Variants in KANK4 observed in about 807,000 individuals in gnomAD.
The protein encoded by KANK4 is KN motif and ankyrin repeat domain-containing protein 4.
Under a neutral mutation model 80.8 loss-of-function variants are expected in KANK4, and 50 were observed. The ratio of observed to expected loss-of-function variants is 0.62; its 90% CI spans 0.49 to 0.78. The LOEUF (loss-of-function observed/expected upper bound fraction) is 0.78. Ranked by LOEUF, KANK4 falls within the 30% of genes least tolerant of loss-of-function variation. The pLI, the probability that KANK4 is intolerant of heterozygous loss-of-function variation, is 0.00. For missense variants in KANK4, 1,196 were observed against 1,240.1 expected (o/e 0.96, Z 0.53); for synonymous variants, 465 against 506.9 (o/e 0.92, Z 1.11).
chr1:62,309,572 A>T (rs1229801046), intron 1 of KANK4, among the ~76,000 whole-genome samples: 1 of 152,184 alleles, frequency 6.6e-6, no homozygotes, highest in African/African-American at 2.4e-5. Context: ...CATTACTTAA[A>T]TTTTTTTAAA....
rs1353974121 is a variant in KANK4 at position 62,247,553 on chromosome 1, C to T, written c.2802G>A (p.Met934Ile). 2 of 1,614,056 alleles carry T rather than the reference C, an allele frequency of 1.2e-6. No homozygotes were observed. The highest frequency in any genetic ancestry group is 3.3e-5 in the Admixed American group (2 of 60,016). ...CCACGTTGCCATGGTGACAGGCCAC[C>T]ATGAGGGCCGAGGATCCATCGTGGT... is the stretch of plus-strand genomic sequence containing the variant. ...LQDHDGSSAL[M>I]VACHHGNVDL... is the part of the protein sequence containing the mutation. Residue 934 changes from methionine to isoleucine, a missense_variant, in exon 9 of 10, where the codon ATG becomes ATA. Physicochemically the swap from Met to Ile is conservative, Grantham distance 10. Coordinates refer to ENST00000371153, the MANE Select transcript of KANK4 (RefSeq NM_181712.5).
chr1:62,317,029 A>G (rs1180869225), intron 1 of KANK4, among the ~76,000 whole-genome samples: 1 of 152,192 alleles, frequency 6.6e-6, no homozygotes, highest in African/African-American at 2.4e-5. Context: ...TTTCAGACCA[A>G]GGGTAGTAGT....
intron 1 of KANK4, among the ~76,000 whole-genome samples, chr1:62,282,826 A>T (rs1335170815): frequency 6.6e-6 from 1 of 152,198 alleles, no homozygotes; most frequent in Admixed American, 6.5e-5. Context: ...AAGCAGAGAC[A>T]ATCCTTGCAG....
chr1:62,296,275 C>T (rs1164661078), intron 1 of KANK4, among the ~76,000 whole-genome samples: 4 of 152,172 alleles, frequency 2.6e-5, no homozygotes, highest in African/African-American at 9.7e-5. Context: ...CGTTCCCCAA[C>T]ATCCTTATGT....
chr1:62,274,669 T>A lies in KANK4; in HGVS notation c.435A>T (p.Pro145=). 3 of 1,614,216 alleles carry A rather than the reference T, an allele frequency of 1.9e-6. No individual in the cohort carries two copies. The highest frequency in any genetic ancestry group is 2.5e-6 in the Non-Finnish European group (3 of 1,180,038). Residue 145 remains proline (P), a synonymous_variant, in exon 3 of 10, where the codon CCA becomes CCT. Transcript: ENST00000371153. ...EATRQLEAAE[P]EDAELTFGSG... ...TCCCAAAAGTGAGCTCGGCATCCTC[T>A]GGCTCAGCAGCTTCCAACTGTCTGG...
chr1:62,298,436 G>GT (rs1644385266), intron 1 of KANK4, among the ~76,000 whole-genome samples: 1 of 152,186 alleles, frequency 6.6e-6, no homozygotes, highest in Non-Finnish European at 1.5e-5. Context: ...GATTTGGTGG[G>GT]TCTGGAGTGG....
intron 6 of KANK4, among the ~76,000 whole-genome samples, chr1:62,263,611 T>A (rs1178872831): frequency 2.0e-5 from 3 of 152,062 alleles, no homozygotes; most frequent in Non-Finnish European, 4.4e-5. Context: ...CACCCCCCAG[T>A]AAGAAGTTTA....
chr1:62,318,580 G>A (rs189373302), intron 1 of KANK4, among the ~76,000 whole-genome samples: 3 of 152,352 alleles, frequency 2.0e-5, no homozygotes, highest in South Asian at 2.1e-4. Context: ...GGGCCGAGGA[G>A]TGCCAGGGTT....
At chr1:62,289,297 G>GT (rs1318877017) in intron 1 of KANK4, among the ~76,000 whole-genome samples, 1 of 152,164 alleles carries the variant, frequency 6.6e-6, no homozygotes, top group Non-Finnish European at 1.5e-5. Context: ...ACTTGCCCAG[G>GT]TATCGAGACC....
rs762778964 is a variant in KANK4, at chr1:62,268,461, G to A, written c.2057C>T (p.Thr686Ile). Residue 686 changes from threonine (T) to isoleucine (I), a missense_variant, in exon 5 of 10, where the codon ACC becomes ATC. This residue lies in a region of KANK4 where 1,154 missense variants were observed against 1,179.6 expected (regional missense o/e 0.98). Transcript: ENST00000371153. ...CTCGCTGTCAGACAAGTCCTCTGGG[G>A]TGCTGTCCTCACCGCTGGTCTCCTC... ...SSEETSGEDS[T>I]PEDLSDSEAE... is the part of the protein sequence containing the mutation. 1.4e-5 allele frequency: 22 copies of A among 1,613,804 alleles called. No homozygotes were observed. The highest frequency in any genetic ancestry group is 1.9e-5 in the Non-Finnish European group (22 of 1,180,022).
chr1:62,271,464 C>G lies in KANK4; in HGVS notation c.2012+14G>C, dbSNP rs1175377789. 6.4e-7 allele frequency: 1 copy of G among 1,565,372 alleles called. No homozygotes were observed. ...AGCAAGAAAGGCAGTCTGAGCTTCA[C>G]AAGCGATGCTTACCCACCGTTAACC... On this transcript the variant is annotated intron_variant, in intron 4 of 9. Coordinates refer to ENST00000371153, the MANE Select transcript of KANK4 (RefSeq NM_181712.5).
chr1:62,286,500 T>A (rs1213649453), intron 1 of KANK4, among the ~76,000 whole-genome samples: 3 of 152,228 alleles, frequency 2.0e-5, no homozygotes, highest in Non-Finnish European at 4.4e-5. Flanking sequence ...ACTAGAAAGT[T>A]AGTTCCCAGA....
chr1:62,257,730 ACT>A (rs1157400512), intron 7 of KANK4, among the ~76,000 whole-genome samples: 3 of 151,418 alleles, frequency 2.0e-5, no homozygotes, highest in Non-Finnish European at 4.4e-5. Context: ...GAAAGTAACG[ACT>A]CTCTCAACCC....
At chr1:62,316,158 A>T (rs1463569844) in intron 1 of KANK4, among the ~76,000 whole-genome samples, 2 of 152,258 alleles carry the variant, frequency 1.3e-5, no homozygotes, top group Non-Finnish European at 2.9e-5. Flanking sequence ...GGCGTCCCCC[A>T]GTCTGGCCCA....
rs1481955643 is a variant in KANK4 at position 62,273,454 on chromosome 1, C to A, written c.1650G>T (p.Arg550Ser). 1 of 1,613,750 alleles carries A rather than the reference C, an allele frequency of 6.2e-7. No homozygotes were observed. The highest frequency in any genetic ancestry group is 8.5e-7 in the Non-Finnish European group (1 of 1,179,888). The change falls in exon 3 of 10, where the codon AGG becomes AGT. Residue 550 changes from arginine to serine, a missense_variant. Arg to Ser is a moderately radical substitution (Grantham distance 110). Coordinates refer to ENST00000371153, the MANE Select transcript of KANK4 (RefSeq NM_181712.5). ...SNLPGKEHPG[R>S]PPSSPTDATI... ...TGGCATCCGTTGGCGAGCTTGGTGG[C>A]CTTCCCGGGTGCTCCTTCCCTGGGA... is the stretch of plus-strand genomic sequence containing the variant.
intron 1 of KANK4, among the ~76,000 whole-genome samples, chr1:62,289,986 T>C (rs1672647601): frequency 6.6e-6 from 1 of 152,172 alleles, no homozygotes; most frequent in African/African-American, 2.4e-5. Context: ...CAGTATTTCC[T>C]ATAAGTCACG....
chr1:62,238,198 A>C lies in KANK4; in HGVS notation c.*79T>G, dbSNP rs1276056018. ...TAGAAGGGTGGCTCTCTGGCCTGTG[A>C]CCTCTGCCCTCTTCAAGGGCGAGGG... On this transcript the variant is annotated 3_prime_UTR_variant, in exon 10 of 10. Coordinates refer to ENST00000371153, the MANE Select transcript of KANK4 (RefSeq NM_181712.5). 15 of 956,876 alleles carry C rather than the reference A, an allele frequency of 1.6e-5. No individual in the cohort carries two copies. The highest frequency in any genetic ancestry group is 2.4e-5 in the Non-Finnish European group (15 of 615,180). 59.3% of individuals were successfully genotyped at this position (956,876 alleles called of 1,614,324 possible).
rs370877595 is a variant in KANK4, at chr1:62,237,131, C to CTTTT, written c.*1142_*1145dup. On this transcript the variant is annotated 3_prime_UTR_variant, in exon 10 of 10. Transcript: ENST00000371153. ...ACATTACTTCTTTTTATATAAGGGG[C>CTTTT]TTTTTTTTTTTTTTTTTGCATAAGA... is the stretch of plus-strand genomic sequence containing the variant. The CTTTT allele has an allele frequency of 3.3e-5, 4 of 121,904 alleles. No individual in the cohort carries two copies. Among genetic ancestry groups the CTTTT allele is most frequent in the African/African-American group, 6.0e-5 (2 of 33,394 alleles). 7.6% of individuals were successfully genotyped at this position (121,904 alleles called of 1,614,324 possible).
rs1644567849 is a variant in KANK4 at position 62,319,115 on chromosome 1, CT to C, written c.-81del. 1 of 152,298 alleles carries C rather than the reference CT, an allele frequency of 6.6e-6. No individual in the cohort carries two copies. The highest frequency in any genetic ancestry group is 1.9e-4 in the East Asian group (1 of 5,180). 9.4% of individuals were successfully genotyped at this position (152,298 alleles called of 1,614,324 possible). On this transcript the variant is annotated 5_prime_UTR_variant, in exon 1 of 10. Coordinates refer to ENST00000371153, the MANE Select transcript of KANK4 (RefSeq NM_181712.5). Reference sequence around the variant, plus strand: ...TCGCAGAGTCCCTTACCTTGGCGAGCTGCGGAAGTCCTGCGCGAGGCGGCCC... The same window carrying C: ...TCGCAGAGTCCCTTACCTTGGCGAGCGCGGAAGTCCTGCGCGAGGCGGCCC...
Sources: gnomAD v4.1 joint callset for allele counts (sites outside exome capture counted in the v4.1 genomes callset) on GRCh38, gnomAD v4.1.1 for gene constraint, gnomAD v4.1.1 regional missense constraint, MANE v1.5 for transcripts, NCBI Gene and HGNC (gene_info 2026-07-23, HGNC 2026-07-21) for gene names.